AGMO: variants seen among roughly 807,000 people sequenced by gnomAD.
The protein encoded by AGMO is alkylglycerol monooxygenase, also known as glyceryl-ether monooxygenase.
AGMO carries 75 observed loss-of-function variants against 60.2 expected under a neutral mutation model. That is an observed-to-expected ratio of 1.25 (90% CI 1.03 to 1.51). AGMO has a LOEUF of 1.51. Among genes scored for constraint, AGMO ranks in the 40% most tolerant of loss-of-function variants. AGMO has a pLI of 0.00. For missense variants in AGMO, 763 were observed against 525.5 expected, an observed-to-expected ratio of 1.45 and a Z score of -4.42; for synonymous variants, 261 against 177.1, an observed-to-expected ratio of 1.47 and a Z score of -3.76.
At chr7:15,192,336 G>A in the AGMO span, among the ~76,000 whole-genome samples, 1 of 152,032 alleles carries the variant, frequency 6.6e-6, no homozygotes, top group African/African-American at 2.4e-5. Context: ...GAGTGACAGA[G>A]CAGCATGGCA....
chr7:15,560,064 A>G lies in AGMO; in HGVS notation c.257+77T>C, dbSNP rs1191285972. 4 of 1,298,764 alleles carry G rather than the reference A, an allele frequency of 3.1e-6. No homozygotes were observed. The African/African-American group carries it at 4.5e-5, about 15-fold the overall frequency. 80.5% of individuals were successfully genotyped at this position (1,298,764 alleles called of 1,614,324 possible). On this transcript the variant is annotated intron_variant, in intron 2 of 12. Transcript: ENST00000342526. Reference sequence around the variant, plus strand: ...TTTGTGTAAATAAACTAATTCTCCCATGCATTGGGTTCCTTTGCCCCTCAT... The same window carrying G: ...TTTGTGTAAATAAACTAATTCTCCCGTGCATTGGGTTCCTTTGCCCCTCAT...
chr7:15,509,720 A>G (rs1338794913), intron 3 of AGMO, among the ~76,000 whole-genome samples: 1 of 152,206 alleles, frequency 6.6e-6, no homozygotes, highest in Non-Finnish European at 1.5e-5. Context: ...CAGTAAAAAA[A>G]TCCAAATGAC....
At chr7:15,294,765 G>C (rs1206386942) in intron 12 of AGMO, among the ~76,000 whole-genome samples, 2 of 151,852 alleles carry the variant, frequency 1.3e-5, no homozygotes, top group Non-Finnish European at 2.9e-5. Flanking sequence ...TGTATCTAGA[G>C]ATTTATCCTG....
intron 11 of AGMO, among the ~76,000 whole-genome samples, chr7:15,365,903 A>C (rs560471944): frequency 6.7e-6 from 1 of 149,410 alleles, no homozygotes; most frequent in East Asian, 1.9e-4. Context: ...CTAGGGTTTA[A>C]AGTAAGTGAG....
chr7:15,316,632 A>C (rs941555339), intron 12 of AGMO, among the ~76,000 whole-genome samples: 22 of 152,116 alleles, frequency 1.4e-4, no homozygotes, highest in Middle Eastern at 3.4e-3. Flanking sequence ...ACACAAGTTC[A>C]TTATTCAGAT....
intron 10 of AGMO, among the ~76,000 whole-genome samples, chr7:15,373,098 T>C (rs544630272): frequency 6.6e-6 from 1 of 152,200 alleles, no homozygotes; most frequent in African/African-American, 2.4e-5. Flanking sequence ...ACCCCATCTC[T>C]ACTAAAAACA....
At chr7:15,361,290 AG>A (rs1047205894) in intron 12 of AGMO, among the ~76,000 whole-genome samples, 4 of 151,820 alleles carry the variant, frequency 2.6e-5, no homozygotes, top group African/African-American at 9.7e-5. Flanking sequence ...AAAAAAAAAA[AG>A]ATCTTTGGGA....
At chr7:15,541,215 C>T (rs778542949) in intron 3 of AGMO, among the ~76,000 whole-genome samples, 8 of 152,062 alleles carry the variant, frequency 5.3e-5, no homozygotes, top group African/African-American at 1.4e-4. Flanking sequence ...CTCCGGCTCC[C>T]GGGTTCAAGC....
At chr7:15,365,481 G>A (rs1782937225) in intron 12 of AGMO, 33 bp downstream of exon 12, 23 of 1,423,832 alleles carry the variant, frequency 1.6e-5, no homozygotes, top group East Asian at 2.4e-5. Context: ...ATAGGTATAC[G>A]CCATCCTGTG....
At chr7:15,541,701 C>T (rs1784634931) in intron 3 of AGMO, among the ~76,000 whole-genome samples, 1 of 152,130 alleles carries the variant, frequency 6.6e-6, no homozygotes, top group Non-Finnish European at 1.5e-5. Context: ...CTAACTGTCC[C>T]ATAACTGTGA....
At chr7:15,289,261 A>G (rs1371685183) in intron 12 of AGMO, among the ~76,000 whole-genome samples, 2 of 128,372 alleles carry the variant, frequency 1.6e-5, no homozygotes, top group Non-Finnish European at 3.2e-5. Flanking sequence ...ATTACACGAA[A>G]TAAATTTATT....
At chr7:15,444,509 G>A (rs1388561322) in intron 3 of AGMO, among the ~76,000 whole-genome samples, 3 of 152,286 alleles carry the variant, frequency 2.0e-5, no homozygotes, top group Non-Finnish European at 4.4e-5. Flanking sequence ...AAAGGCCTCC[G>A]TTTAGATGCC....
At chr7:15,202,923 C>T (rs562028298) in intron 12 of AGMO, among the ~76,000 whole-genome samples, 114 of 151,976 alleles carry the variant, frequency 7.5e-4, no homozygotes, top group Admixed American at 1.8e-3. Context: ...CTGAGAGGGG[C>T]GCTGAGAAGA....
chr7:15,329,536 GAAC>G (rs1388230198), intron 12 of AGMO, among the ~76,000 whole-genome samples: 2 of 152,132 alleles, frequency 1.3e-5, no homozygotes, highest in African/African-American at 2.4e-5. Context: ...TAAAATGACA[GAAC>G]AACAGTTCAA....
chr7:15,506,074 A>G (rs945406849), intron 3 of AGMO, among the ~76,000 whole-genome samples: 4 of 152,082 alleles, frequency 2.6e-5, no homozygotes, highest in African/African-American at 9.6e-5. Flanking sequence ...ACATTTGAAC[A>G]GTGATTTCCC....
intron 12 of AGMO, among the ~76,000 whole-genome samples, chr7:15,287,283 A>T (rs1313737160): frequency 6.6e-6 from 1 of 152,220 alleles, no homozygotes; most frequent in African/African-American, 2.4e-5. Context: ...GAAATTATCA[A>T]AAAATTTGGG....
chr7:15,372,650 T>G (rs1783266013), intron 10 of AGMO, among the ~76,000 whole-genome samples: 1 of 152,106 alleles, frequency 6.6e-6, no homozygotes, highest in Non-Finnish European at 1.5e-5. Context: ...AAAATAGAAT[T>G]TATAGGTTTT....
chr7:15,415,494 G>A (rs555107143), intron 5 of AGMO, among the ~76,000 whole-genome samples: 1 of 152,082 alleles, frequency 6.6e-6, no homozygotes, highest in African/African-American at 2.4e-5. Flanking sequence ...AGGGAGCTGA[G>A]ATGGTGCCAC....
intron 10 of AGMO, among the ~76,000 whole-genome samples, chr7:15,382,897 C>T (rs1006177999): frequency 6.6e-6 from 1 of 151,946 alleles, no homozygotes; most frequent in Non-Finnish European, 1.5e-5. Context: ...AAGTTCAAAT[C>T]ACGTATTTAT....
Sources: gnomAD v4.1 joint callset for allele counts (sites outside exome capture counted in the v4.1 genomes callset) on GRCh38, gnomAD v4.1.1 for gene constraint, MANE v1.5 for transcripts, NCBI Gene and HGNC (gene_info 2026-07-23, HGNC 2026-07-21) for gene names.